IQSEC1: variants seen among roughly 807,000 people sequenced by gnomAD.
IQSEC1 encodes IQ motif and SEC7 domain-containing protein 1.
Under a neutral mutation model 91.0 loss-of-function variants are expected in IQSEC1, and 31 were observed. The ratio of observed to expected loss-of-function variants is 0.34; its 90% CI spans 0.26 to 0.46. The LOEUF (loss-of-function observed/expected upper bound fraction) is 0.46, where lower values mean the gene tolerates loss of function less well. Ranked by LOEUF, IQSEC1 falls within the 20% of genes least tolerant of loss-of-function variation. IQSEC1 has a pLI of 1.00. For synonymous variants in IQSEC1, 699 were observed against 662.6 expected, an observed-to-expected ratio of 1.05 and a Z score of -0.84; for missense variants, 1,388 against 1,575.6, an observed-to-expected ratio of 0.88 and a Z score of 2.02.
intron 1 of IQSEC1, among the ~76,000 whole-genome samples, chr3:12,989,843 G>C (rs1701907149): frequency 6.6e-6 from 1 of 152,200 alleles, no homozygotes; most frequent in African/African-American, 2.4e-5. Context: ...AGATGGGGAA[G>C]CTTTGGTTCA....
rs751462955 is a variant in IQSEC1, at chr3:12,909,386, A to T, written c.2465T>A (p.Ile822Asn). The change falls in exon 11 of 14, where the codon ATC becomes AAC. Residue 822 changes from isoleucine (I) to asparagine (N), a missense_variant. Physicochemically the swap from Ile to Asn is moderately radical, Grantham distance 149. Coordinates refer to ENST00000613206, the MANE Select transcript of IQSEC1 (RefSeq NM_001134382.3). The surrounding 1 kb of genome is among the most constrained non-coding windows in gnomAD (Gnocchi z 4.9). ...GGCGTTGAAGTTTATTAACACTTTG[A>T]TATCTGCTCCGGGGACAGACGAGGT... ...RLTSSVPGAD[I>N]KVLINFNAPN... is the part of the protein sequence containing the mutation. 3.7e-6 allele frequency: 6 copies of T among 1,614,018 alleles called. No individual in the cohort carries two copies. In the African/African-American group the frequency reaches 5.3e-5, roughly 14 times the overall value.
intron 2 of IQSEC1, among the ~76,000 whole-genome samples, chr3:13,129,924 C>T (rs1296718453): frequency 6.6e-6 from 1 of 151,928 alleles, no homozygotes; most frequent in African/African-American, 2.4e-5. Flanking sequence ...TCCCAAAGTG[C>T]TGGGATTACA....
intron 1 of IQSEC1, among the ~76,000 whole-genome samples, chr3:13,056,060 G>C (rs531437841): frequency 6.6e-6 from 1 of 152,044 alleles, no homozygotes; most frequent in Non-Finnish European, 1.5e-5. Flanking sequence ...TGAGTGTCTC[G>C]GGTCAGGCCA....
At chr3:13,016,150 C>T (rs937767132) in intron 1 of IQSEC1, among the ~76,000 whole-genome samples, 3 of 152,176 alleles carry the variant, frequency 2.0e-5, no homozygotes, top group Non-Finnish European at 4.4e-5. Flanking sequence ...CAGGCAGGGC[C>T]CCCCACATCC....
At chr3:13,235,293 G>A (rs1349198720) in intron 1 of IQSEC1, among the ~76,000 whole-genome samples, 5 of 152,112 alleles carry the variant, frequency 3.3e-5, no homozygotes, top group South Asian at 2.1e-4. Flanking sequence ...CACCCTCCCC[G>A]GCGCTGGGGT....
At chr3:12,962,980 T>C (rs905323339) in intron 1 of IQSEC1, among the ~76,000 whole-genome samples, 4 of 152,208 alleles carry the variant, frequency 2.6e-5, no homozygotes, top group Non-Finnish European at 4.4e-5. Context: ...TGGTGACATA[T>C]TTTGCCAAAG....
In IQSEC1 at chr3:13,100,731, T is replaced by C. The variant is rs947943971; in HGVS notation, c.303-53209A>G. Among the ~76,000 whole-genome samples, 18 of 148,994 alleles carry C rather than the reference T, an allele frequency of 1.2e-4. 1 individual carries two copies. The highest frequency in any genetic ancestry group is 2.7e-4 in the Admixed American group (4 of 15,046). On this transcript the variant is annotated intron_variant, in intron 2 of 15. Transcript: ENST00000648114. ...CCTGCCGAGCCTCACATTTCGTTCA[T>C]CGATTAATTCTACAAATGTTCATTG...
intron 1 of IQSEC1, among the ~76,000 whole-genome samples, chr3:13,215,406 G>A (rs1378360391): frequency 1.3e-5 from 2 of 151,828 alleles, no homozygotes; most frequent in African/African-American, 4.8e-5. Context: ...TCAGGCTCTG[G>A]CCATGCCAGA....
At chr3:13,133,890 G>A (rs572038453) in intron 2 of IQSEC1, among the ~76,000 whole-genome samples, 17 of 152,156 alleles carry the variant, frequency 1.1e-4, no homozygotes, top group Non-Finnish European at 2.4e-4. Flanking sequence ...CCCCACCACC[G>A]GGCCTGCACA....
At chr3:13,232,459 G>T (rs1291184153) in intron 1 of IQSEC1, among the ~76,000 whole-genome samples, 2 of 152,194 alleles carry the variant, frequency 1.3e-5, no homozygotes, top group Non-Finnish European at 2.9e-5. Flanking sequence ...AATTCACAGG[G>T]AGGCGTCATC....
chr3:13,076,000 C>T (rs1488833509), upstream of IQSEC1, among the ~76,000 whole-genome samples: 2 of 152,204 alleles, frequency 1.3e-5, no homozygotes, highest in Non-Finnish European at 2.9e-5. Flanking sequence ...TTGTCAGCCA[C>T]ACCTCCCAGA....
At chr3:13,047,491 T>C (rs1189894711) in intron 1 of IQSEC1, 1 of 985,170 alleles carries the variant, frequency 1.0e-6, no homozygotes, top group Admixed American at 6.1e-5. Context: ...TAGCGGTCAG[T>C]GGAGAGGCTG....
intron 1 of IQSEC1, among the ~76,000 whole-genome samples, chr3:13,037,635 G>C (rs930858204): frequency 6.6e-6 from 1 of 152,186 alleles, no homozygotes; most frequent in African/African-American, 2.4e-5. Context: ...TGGATGAAAG[G>C]ATAAGCAAAA....
At chr3:12,981,748 G>A (rs137932226) in intron 1 of IQSEC1, among the ~76,000 whole-genome samples, 50 of 152,280 alleles carry the variant, frequency 3.3e-4, no homozygotes, top group African/African-American at 9.1e-4. Context: ...AAGGACACCC[G>A]GAAGAGCTAG....
At position 12,959,989 on chromosome 3, in the gene IQSEC1, AT is replaced by A. The variant is rs1325238436; in HGVS notation, c.24-18125del. Among the ~76,000 whole-genome samples the A allele has an allele frequency of 2.0e-5, 3 of 152,254 alleles. No individual in the cohort carries two copies. The South Asian group carries it at 6.2e-4, about 32-fold the overall frequency. On this transcript the variant is annotated intron_variant, in intron 1 of 13. Transcript: ENST00000613206. ...GTCAATGGCCCAGAGGGAACAGAGA[AT>A]TCACGTTCCTGCGACCGCACCTCCC...
At position 13,042,069 on chromosome 3, in the gene IQSEC1, C is replaced by A. The variant is rs1026053382; in HGVS notation, c.23+30923G>T. On this transcript the variant is annotated intron_variant, in intron 1 of 13. Transcript: ENST00000613206. ...AGAGCAGTCCAGGGTGACTCTTTCT[C>A]TGCAGAAACTCTACCAGTTTCAGGC... 1.3e-5 allele frequency among the ~76,000 whole-genome samples: 2 copies of A among 152,246 alleles called. 1 individual carries two copies. Among genetic ancestry groups the A allele is most frequent in the South Asian group, 4.1e-4 (2 of 4,832 alleles).
chr3:12,922,161 T>C lies in IQSEC1; in HGVS notation c.1812A>G (p.Gln604=). The stretch of plus-strand genomic sequence containing the variant: ...GCCGCTCCACTTTCTGAGCCTCCCC[T>C]TGGACACGGATGTGCGCCTGGAATT... ...LRKFQAHIRV[Q]GEAQKVERLI... is the part of the protein sequence containing the mutation. The change falls in exon 5 of 14, where the codon CAA becomes CAG. Residue 604 remains glutamine, a synonymous_variant. Coordinates refer to ENST00000613206, the MANE Select transcript of IQSEC1 (RefSeq NM_001134382.3). This position sits in a 1 kb window ranked among gnomAD's most constrained non-coding sequence, Gnocchi z 5.1. The C allele has an allele frequency of 6.2e-7, 1 of 1,610,346 alleles. No individual in the cohort carries two copies. The highest frequency in any genetic ancestry group is 8.5e-7 in the Non-Finnish European group (1 of 1,177,594).
intron 1 of IQSEC1, among the ~76,000 whole-genome samples, chr3:13,175,721 G>C (rs550803410): frequency 6.6e-6 from 1 of 152,340 alleles, no homozygotes; most frequent in Non-Finnish European, 1.5e-5. Context: ...CAAGATGAAG[G>C]CTCCCCTAGA....
At chr3:13,246,135 A>G (rs1397348987) in intron 1 of IQSEC1, among the ~76,000 whole-genome samples, 2 of 152,248 alleles carry the variant, frequency 1.3e-5, no homozygotes, top group African/African-American at 4.8e-5. Context: ...GGATGAATAT[A>G]CAAACAAAAT....
Sources: allele counts gnomAD v4.1 joint callset (sites outside exome capture counted in the v4.1 genomes callset), GRCh38; gene constraint gnomAD v4.1.1; non-coding constraint Gnocchi (gnomAD v3.1); transcripts MANE v1.5; gene names NCBI Gene and HGNC (gene_info 2026-07-23, HGNC 2026-07-21).